The following PCDHA3 variants were observed in gnomAD, a reference collection of about 807,000 sequenced individuals.
PCDHA3 encodes the protein protocadherin alpha-3.
A neutral mutation model predicts 62.2 loss-of-function variants in PCDHA3; 41 were observed. The ratio of observed to expected loss-of-function variants is 0.66; its 90% CI spans 0.51 to 0.86. PCDHA3 has a LOEUF of 0.86. Among genes scored for constraint, PCDHA3 ranks in the 40% least tolerant of loss-of-function variants. The pLI is 0.00. For synonymous variants in PCDHA3, 640 were observed against 555.4 expected (o/e 1.15, Z -2.14); for missense variants, 1,304 against 1,241.2 (o/e 1.05, Z -0.76).
At chr5:140,898,150 G>A (rs373714901) in intron 1 of PCDHA3, among the ~76,000 whole-genome samples, 6 of 152,198 alleles carry the variant, frequency 3.9e-5, no homozygotes, top group African/African-American at 9.6e-5. Flanking sequence ...GCCTGTTCAC[G>A]CTGATGGTGG....
chr5:140,967,928 A>G, intron 1 of PCDHA3: 1 of 1,614,200 alleles, frequency 6.2e-7, no homozygotes, highest in South Asian at 1.1e-5. Context: ...GGCCGTTCTC[A>G]GTGTCAATGA....
chr5:140,866,561 T>C (rs2049423335), intron 1 of PCDHA3: 1 of 152,136 alleles, frequency 6.6e-6, no homozygotes, highest in Non-Finnish European at 1.5e-5. Context: ...TCCTATAATT[T>C]TGTTAATACA....
rs2150496669 is a variant in PCDHA3 at position 140,850,740 on chromosome 5, T to C, written c.2394+47149T>C. 3.8e-6 allele frequency: 6 copies of C among 1,597,446 alleles called. No individual in the cohort carries two copies. In the South Asian group the frequency reaches 4.4e-5, roughly 12 times the overall value. On this transcript the variant is annotated intron_variant, in intron 1 of 3. Transcript: ENST00000522353. ...GTGTTCTAGCGCGGTGGGGAGTTGG[T>C]CGTACTCGCAGCAGAGGAGGCAGAG...
At chr5:140,869,849 T>C in intron 1 of PCDHA3, 3 of 1,611,006 alleles carry the variant, frequency 1.9e-6, no homozygotes, top group African/African-American at 1.3e-5. Context: ...GAATATAAGG[T>C]GAGCCTTATG....
intron 1 of PCDHA3, among the ~76,000 whole-genome samples, chr5:140,926,036 C>A (rs2082873940): frequency 6.6e-6 from 1 of 152,168 alleles, no homozygotes; most frequent in South Asian, 2.1e-4. Context: ...TTGATGCGGA[C>A]ACTATTCCCC....
rs140143048 is a variant in PCDHA3, at chr5:140,842,939, G to A, written c.2394+39348G>A. Reference sequence around the variant, plus strand: ...GCAGTTCCAGGTGAGCGCGCGCGACGCGGGCGTGCCGCCTCTGGGCAGCAA... The same window carrying A: ...GCAGTTCCAGGTGAGCGCGCGCGACACGGGCGTGCCGCCTCTGGGCAGCAA... On this transcript the variant is annotated intron_variant, in intron 1 of 3. Transcript: ENST00000522353. 5.6e-6 allele frequency: 9 copies of A among 1,594,456 alleles called. No individual in the cohort carries two copies. In the African/African-American group the frequency reaches 1.2e-4, roughly 21 times the overall value.
chr5:140,878,727 C>A (rs1329578817), intron 1 of PCDHA3, among the ~76,000 whole-genome samples: 2 of 152,186 alleles, frequency 1.3e-5, no homozygotes, highest in Non-Finnish European at 2.9e-5. Context: ...AAATTTCCAG[C>A]CTTATATCTA....
At chr5:140,877,443 C>A (rs376417721) in intron 1 of PCDHA3, 2 of 1,613,726 alleles carry the variant, frequency 1.2e-6, no homozygotes, top group African/African-American at 2.7e-5. Flanking sequence ...ACGGTGAGCC[C>A]GCGCTGACGT....
intron 1 of PCDHA3, among the ~76,000 whole-genome samples, chr5:140,971,061 G>A (rs2096454888): frequency 6.6e-6 from 1 of 152,154 alleles, no homozygotes; most frequent in Non-Finnish European, 1.5e-5. Context: ...TTTAAATAAG[G>A]TTGCTGTAGA....
At chr5:140,831,492 T>TGGG (rs1554133281) in intron 1 of PCDHA3, among the ~76,000 whole-genome samples, 1 of 147,590 alleles carries the variant, frequency 6.8e-6, no homozygotes, top group East Asian at 2.0e-4. Flanking sequence ...CTGGAGTTAC[T>TGGG]ACACACGAGC....
intron 1 of PCDHA3, among the ~76,000 whole-genome samples, chr5:140,952,351 A>G (rs1217158530): frequency 8.3e-6 from 1 of 120,612 alleles, no homozygotes; most frequent in Non-Finnish European, 1.8e-5. Flanking sequence ...AAAAAAAAAA[A>G]AAAGAAAGAA....
intron 1 of PCDHA3, chr5:140,857,825 G>C: frequency 6.3e-7 from 1 of 1,597,886 alleles, no homozygotes; most frequent in Middle Eastern, 1.7e-4. Context: ...GGTGGCTAAG[G>C]TGCGCGCAGT....
At chr5:140,877,048 G>T (rs376952553) in intron 1 of PCDHA3, 1 of 1,612,676 alleles carries the variant, frequency 6.2e-7, no homozygotes, top group Non-Finnish European at 8.5e-7. Flanking sequence ...GCTAGACCAC[G>T]AGGAGCTGGA....
intron 1 of PCDHA3, among the ~76,000 whole-genome samples, chr5:140,817,764 A>G (rs1022803136): frequency 6.6e-6 from 1 of 152,208 alleles, no homozygotes; most frequent in African/African-American, 2.4e-5. Context: ...GAAGAAATTA[A>G]CATTTCCTTT....
chr5:140,957,021 T>C (rs1431974405), intron 1 of PCDHA3, among the ~76,000 whole-genome samples: 3 of 152,182 alleles, frequency 2.0e-5, no homozygotes, highest in Non-Finnish European at 2.9e-5. Context: ...AGTGAGCATT[T>C]AGATATTTAT....
intron 1 of PCDHA3, chr5:140,849,250 C>T: frequency 9.2e-7 from 1 of 1,091,342 alleles, no homozygotes; most frequent in Non-Finnish European, 1.3e-6. Context: ...GTGAAATTAC[C>T]AGAAAACGTT....
chr5:140,832,241 T>C (rs2150200377), intron 1 of PCDHA3, among the ~76,000 whole-genome samples: 28 of 152,212 alleles, frequency 1.8e-4, no homozygotes, highest in Non-Finnish European at 3.4e-4. Context: ...ACTTTTTGTG[T>C]TGTCCATGTT....
chr5:140,876,728 C>G (rs200398819), intron 1 of PCDHA3: 4 of 1,614,244 alleles, frequency 2.5e-6, no homozygotes, highest in African/African-American at 2.7e-5. Flanking sequence ...GAGAGCGTGT[C>G]GGCCTATGAG....
rs782009999 is a variant in PCDHA3, at chr5:140,928,473, C to G, written c.2395-50476C>G. 25 of 1,614,096 alleles carry G rather than the reference C, an allele frequency of 1.5e-5. No individual in the cohort carries two copies. The East Asian group carries it at 2.5e-4, about 16-fold the overall frequency. ...GGGGGTTTCATTTCCAAGTAGAAGGCCGGGATGGTGGCATTCCTCCCAGAA... is the reference window on the plus strand; with the variant it reads ...GGGGGTTTCATTTCCAAGTAGAAGGGCGGGATGGTGGCATTCCTCCCAGAA... On this transcript the variant is annotated intron_variant, in intron 1 of 3. Transcript: ENST00000522353.
Sources: allele counts gnomAD v4.1 joint callset (sites outside exome capture counted in the v4.1 genomes callset), GRCh38; gene constraint gnomAD v4.1.1; transcripts MANE v1.5; gene names NCBI Gene and HGNC (gene_info 2026-07-23, HGNC 2026-07-21).